The following REDIC1 variants were observed in gnomAD, a reference collection of about 807,000 sequenced individuals.
The protein encoded by REDIC1 is HEI10 Interacting Protein 1.
At chr12:39,778,567 T>G in the REDIC1 span, among the ~76,000 whole-genome samples, 1 of 152,238 alleles carries the variant, frequency 6.6e-6, no homozygotes, top group Non-Finnish European at 1.5e-5. Context: ...TTATTTTGTG[T>G]TATTTTGGTT....
chr12:39,873,308 C>G, the REDIC1 span, among the ~76,000 whole-genome samples: 4 of 152,280 alleles, frequency 2.6e-5, no homozygotes, highest in East Asian at 7.7e-4. Flanking sequence ...ATCATGAAAA[C>G]TGCGAATGTT....
At chr12:39,695,896 G>A in the REDIC1 span, among the ~76,000 whole-genome samples, 5 of 152,314 alleles carry the variant, frequency 3.3e-5, no homozygotes, top group Non-Finnish European at 7.4e-5. Context: ...TCAGATGGCT[G>A]AGAACAGAGA....
At chr12:39,775,124 T>A in the REDIC1 span, among the ~76,000 whole-genome samples, 3 of 152,208 alleles carry the variant, frequency 2.0e-5, no homozygotes, top group Admixed American at 6.5e-5. Flanking sequence ...CTTTCATTTA[T>A]CACAAGATTA....
the REDIC1 span, among the ~76,000 whole-genome samples, chr12:39,864,036 T>C: frequency 6.6e-6 from 1 of 152,242 alleles, no homozygotes; most frequent in African/African-American, 2.4e-5. Context: ...TGCTAGACTT[T>C]ATGGTGGCTA....
At chr12:39,711,993 CAT>C in the REDIC1 span, among the ~76,000 whole-genome samples, 2 of 89,376 alleles carry the variant, frequency 2.2e-5, no homozygotes, top group East Asian at 3.1e-4. Context: ...TGTCTATATA[CAT>C]GTCTGTATAT....
At chr12:39,670,417 C>G in the REDIC1 span, among the ~76,000 whole-genome samples, 12 of 152,298 alleles carry the variant, frequency 7.9e-5, no homozygotes, top group African/African-American at 2.9e-4. Flanking sequence ...TCTTGAACTC[C>G]TGACCTCAGG....
chr12:39,714,015 G>A, the REDIC1 span, among the ~76,000 whole-genome samples: 3 of 53,506 alleles, frequency 5.6e-5, no homozygotes, highest in East Asian at 4.4e-4. Flanking sequence ...GTGCATATAC[G>A]TTTATATAAG....
the REDIC1 span, among the ~76,000 whole-genome samples, chr12:39,752,344 G>T: frequency 6.6e-6 from 1 of 152,122 alleles, no homozygotes; most frequent in Non-Finnish European, 1.5e-5. Flanking sequence ...GATCTAGGTT[G>T]TGCAGTCCTT....
the REDIC1 span, among the ~76,000 whole-genome samples, chr12:39,672,986 C>G: frequency 6.6e-6 from 1 of 152,070 alleles, no homozygotes; most frequent in African/African-American, 2.4e-5. Context: ...ATTCTCAGAG[C>G]CCATGAGGGT....
At chr12:39,713,921 A>G in the REDIC1 span, among the ~76,000 whole-genome samples, 1 of 148,402 alleles carries the variant, frequency 6.7e-6, no homozygotes, top group African/African-American at 2.5e-5. Flanking sequence ...GTATATGTAT[A>G]TATTAAATTA....
At chr12:39,812,923 G>T in the REDIC1 span, among the ~76,000 whole-genome samples, 107 of 143,378 alleles carry the variant, frequency 7.5e-4, 1 homozygote, top group African/African-American at 2.7e-3. Context: ...TCTGCCTCCT[G>T]GGTTCAAGTG....
the REDIC1 span, chr12:39,755,200 A>G: frequency 6.6e-6 from 1 of 152,168 alleles, no homozygotes; most frequent in South Asian, 2.1e-4. Flanking sequence ...TACTTTTGAT[A>G]CAGCATAGGC....
chr12:39,744,301 C>T, the REDIC1 span, among the ~76,000 whole-genome samples: 26 of 152,290 alleles, frequency 1.7e-4, no homozygotes, highest in Admixed American at 1.3e-4. Context: ...GTTGTCAGTA[C>T]ACCTGACTTG....
the REDIC1 span, among the ~76,000 whole-genome samples, chr12:39,804,460 TTAA>T: frequency 1.3e-5 from 2 of 152,176 alleles, no homozygotes; most frequent in Admixed American, 6.5e-5. Flanking sequence ...AACTGCTAGA[TTAA>T]TAATAATAAC....
At chr12:39,900,715 C>T in the REDIC1 span, among the ~76,000 whole-genome samples, 17 of 152,244 alleles carry the variant, frequency 1.1e-4, no homozygotes, top group Non-Finnish European at 2.4e-4. Flanking sequence ...AAGAACATTC[C>T]ATGCTCATGG....
chr12:39,778,059 G>A, the REDIC1 span, among the ~76,000 whole-genome samples: 2 of 152,190 alleles, frequency 1.3e-5, no homozygotes, highest in Non-Finnish European at 2.9e-5. Flanking sequence ...CATGGGGTTG[G>A]AGTCCCACAG....
chr12:39,848,656 A>G, the REDIC1 span, among the ~76,000 whole-genome samples: 1 of 152,166 alleles, frequency 6.6e-6, no homozygotes, highest in Non-Finnish European at 1.5e-5. Context: ...CATTTGACCC[A>G]GCTCCCATTT....
the REDIC1 span, among the ~76,000 whole-genome samples, chr12:39,870,953 T>C: frequency 6.6e-6 from 1 of 152,220 alleles, no homozygotes; most frequent in Non-Finnish European, 1.5e-5. Context: ...TTGGTTAAAA[T>C]AGAATTTAGT....
the REDIC1 span, among the ~76,000 whole-genome samples, chr12:39,652,086 C>A: frequency 6.6e-6 from 1 of 152,112 alleles, no homozygotes; most frequent in South Asian, 2.1e-4. Context: ...ATAGTTCATT[C>A]CTTTTTATTG....
Sources: allele counts gnomAD v4.1 joint callset (sites outside exome capture counted in the v4.1 genomes callset), GRCh38; gene constraint gnomAD v4.1.1; transcripts MANE v1.5; gene names NCBI Gene and HGNC (gene_info 2026-07-23, HGNC 2026-07-21).